Variants in TGFBRAP1 observed in about 807,000 individuals in gnomAD.
The protein encoded by TGFBRAP1 is transforming growth factor beta receptor associated protein 1, also known as transforming growth factor-beta receptor-associated protein 1.
A neutral mutation model predicts 83.2 loss-of-function variants in TGFBRAP1; 20 were observed. The observed-to-expected ratio is 0.24, with a 90% CI of 0.17 to 0.35. The LOEUF (loss-of-function observed/expected upper bound fraction) is 0.35. Ranked by LOEUF, TGFBRAP1 falls within the 10% of genes least tolerant of loss-of-function variation. The pLI is 1.00. For missense variants in TGFBRAP1, 950 were observed against 1,099.4 expected (o/e 0.86, Z 1.92); for synonymous variants, 415 against 459.8 (o/e 0.90, Z 1.25).
At chr2:105,321,089 G>C (rs1174320659) in intron 1 of TGFBRAP1, among the ~76,000 whole-genome samples, 1 of 152,114 alleles carries the variant, frequency 6.6e-6, no homozygotes, top group Non-Finnish European at 1.5e-5. Flanking sequence ...CCTGGCTTTA[G>C]GCGTGAGTAT....
chr2:105,289,101 G>A (rs1269827348), intron 4 of TGFBRAP1, among the ~76,000 whole-genome samples: 3 of 152,116 alleles, frequency 2.0e-5, no homozygotes, highest in African/African-American at 7.2e-5. Flanking sequence ...CACATTCAAA[G>A]CACAAAAGGT....
intron 4 of TGFBRAP1, among the ~76,000 whole-genome samples, chr2:105,287,615 C>T (rs906916323): frequency 6.6e-6 from 1 of 152,120 alleles, no homozygotes; most frequent in Admixed American, 6.5e-5. Flanking sequence ...CAGAACCGTG[C>T]AACCTCAGAG....
chr2:105,317,762 C>A (rs1678930003), intron 1 of TGFBRAP1, among the ~76,000 whole-genome samples: 1 of 152,124 alleles, frequency 6.6e-6, no homozygotes, highest in African/African-American at 2.4e-5. Context: ...CTAGAAACAT[C>A]TGGATGATGT....
chr2:105,284,875 G>A (rs910970811), intron 4 of TGFBRAP1, among the ~76,000 whole-genome samples: 2 of 152,146 alleles, frequency 1.3e-5, no homozygotes, highest in Non-Finnish European at 2.9e-5. Flanking sequence ...ATCTCCTGCT[G>A]GTGACGTCCA....
chr2:105,316,462 T>TGTGCGCGCGCGCGCGC (rs1177329674), intron 1 of TGFBRAP1, among the ~76,000 whole-genome samples: 3 of 84,814 alleles, frequency 3.5e-5, no homozygotes, highest in African/African-American at 1.1e-4. Context: ...TGTGTGTGTG[T>TGTGCGCGCGCGCGCGC]GCGCGCGCGC....
chr2:105,286,644 C>T (rs997228479), intron 4 of TGFBRAP1, among the ~76,000 whole-genome samples: 12 of 152,156 alleles, frequency 7.9e-5, no homozygotes, highest in African/African-American at 2.4e-4. Flanking sequence ...AGCAAACTAG[C>T]CCTCTAAGGA....
At chr2:105,328,828 G>A (rs912949940) in intron 1 of TGFBRAP1, among the ~76,000 whole-genome samples, 1 of 152,190 alleles carries the variant, frequency 6.6e-6, no homozygotes, top group Non-Finnish European at 1.5e-5. Context: ...CAGGTAGGAG[G>A]CTTCCTGAGG....
chr2:105,255,828 C>T, the TGFBRAP1 span, among the ~76,000 whole-genome samples: 21 of 152,124 alleles, frequency 1.4e-4, no homozygotes, highest in Non-Finnish European at 2.8e-4. Flanking sequence ...CCATTCCTTC[C>T]CATGGAAGCC....
At chr2:105,262,170 G>C (rs1006632210), downstream of TGFBRAP1, among the ~76,000 whole-genome samples, 2 of 152,174 alleles carry the variant, frequency 1.3e-5, no homozygotes, top group African/African-American at 4.8e-5. Context: ...CGATGCCACT[G>C]ATATGGTTTG....
chr2:105,293,230 A>G (rs1677974436), intron 4 of TGFBRAP1, among the ~76,000 whole-genome samples: 1 of 152,224 alleles, frequency 6.6e-6, no homozygotes, highest in Non-Finnish European at 1.5e-5. Flanking sequence ...CACCATCCAT[A>G]TTATGTGACA....
chr2:105,275,616 A>C lies in TGFBRAP1; in HGVS notation c.1609T>G (p.Leu537Val), dbSNP rs761436553. Residue 537 changes from leucine to valine, a missense_variant, in exon 8 of 12, where the codon TTA becomes GTA. Coordinates refer to ENST00000393359, the MANE Select transcript of TGFBRAP1 (RefSeq NM_004257.6). Reference protein sequence around the residue: ...EYIVDFLTYCLDEELVWAYAD... With the variant: ...EYIVDFLTYCVDEELVWAYAD... The stretch of plus-strand genomic sequence containing the variant: ...TAGGCCCACACTAGTTCCTCGTCTA[A>C]GCAGTAGGTAAGAAAATCCACGATG... 7 of 1,614,096 alleles carry C rather than the reference A, an allele frequency of 4.3e-6. No individual in the cohort carries two copies. The African/African-American group carries it at 9.3e-5, about 22-fold the overall frequency.
chr2:105,284,378 C>G lies in TGFBRAP1; in HGVS notation c.1059G>C (p.Leu353=). 1.2e-6 allele frequency: 2 copies of G among 1,614,040 alleles called. No individual in the cohort carries two copies. The highest frequency in any genetic ancestry group is 1.7e-6 in the Non-Finnish European group (2 of 1,179,932). The change falls in exon 5 of 12, where the codon CTG becomes CTC. Residue 353 remains leucine, a synonymous_variant. Coordinates refer to ENST00000393359, the MANE Select transcript of TGFBRAP1 (RefSeq NM_004257.6). ...CAAACTGTATAAATCCCGCCTGCTG[C>G]AGAATCCTTCTGTACATTACCTGCA... The part of the protein sequence containing the change: ...EKFQVMYRRI[L]QQAGFIQFAQ...
At chr2:105,308,387 G>A in intron 1 of TGFBRAP1, 69 bp from the exon 2 acceptor site, 3 of 1,347,804 alleles carry the variant, frequency 2.2e-6, no homozygotes, top group East Asian at 2.5e-5. Context: ...CTGCAATAAT[G>A]ATACGTGGAT....
At chr2:105,251,941 G>A in the TGFBRAP1 span, among the ~76,000 whole-genome samples, 2 of 149,536 alleles carry the variant, frequency 1.3e-5, no homozygotes, top group South Asian at 2.2e-4. Flanking sequence ...GATGCTTGAA[G>A]GCAGCATGCT....
At chr2:105,303,163 T>C (rs997750726) in intron 2 of TGFBRAP1, among the ~76,000 whole-genome samples, 1 of 152,206 alleles carries the variant, frequency 6.6e-6, no homozygotes, top group Non-Finnish European at 1.5e-5. Context: ...GGTGCAGTAG[T>C]GCACGCCTAT....
chr2:105,314,748 A>C (rs1265196513), intron 1 of TGFBRAP1, among the ~76,000 whole-genome samples: 1 of 151,868 alleles, frequency 6.6e-6, no homozygotes. Context: ...CAGGAGTTCG[A>C]GACCAGTCTA....
chr2:105,307,030 G>A (rs1678522754), intron 2 of TGFBRAP1, among the ~76,000 whole-genome samples: 4 of 152,186 alleles, frequency 2.6e-5, no homozygotes, highest in Admixed American at 2.6e-4. Context: ...CACAAGCTTA[G>A]AGTAGAAATT....
At chr2:105,315,321 T>C (rs938537404) in intron 1 of TGFBRAP1, among the ~76,000 whole-genome samples, 6 of 152,172 alleles carry the variant, frequency 3.9e-5, no homozygotes, top group African/African-American at 1.2e-4. Context: ...GAACATAGCA[T>C]AGTCAAAACA....
At chr2:105,254,183 T>G in the TGFBRAP1 span, among the ~76,000 whole-genome samples, 1 of 152,248 alleles carries the variant, frequency 6.6e-6, no homozygotes. Context: ...AATGGTGGTT[T>G]CTGGTGCCAT....
Sources: gnomAD v4.1 joint callset for allele counts (sites outside exome capture counted in the v4.1 genomes callset) on GRCh38, gnomAD v4.1.1 for gene constraint, MANE v1.5 for transcripts, NCBI Gene and HGNC (gene_info 2026-07-23, HGNC 2026-07-21) for gene names.